TLK1: variants seen among roughly 807,000 people sequenced by gnomAD.
The protein encoded by TLK1 is tousled like kinase 1.
In TLK1, 24 loss-of-function variants were observed where a neutral mutation model predicts 105.3. The ratio of observed to expected loss-of-function variants is 0.23; its 90% CI spans 0.17 to 0.32. The LOEUF is 0.32. Ranked by LOEUF, TLK1 falls within the 10% of genes least tolerant of loss-of-function variation. The pLI is 1.00. For missense variants in TLK1, 558 were observed against 910.5 expected, an observed-to-expected ratio of 0.61 and a Z score of 4.98; for synonymous variants, 321 against 310.4, an observed-to-expected ratio of 1.03 and a Z score of -0.36.
intron 1 of TLK1, among the ~76,000 whole-genome samples, chr2:171,207,619 T>TG (rs1693530492): frequency 6.6e-6 from 1 of 152,074 alleles, no homozygotes; most frequent in South Asian, 2.1e-4. Context: ...TGTTTGGAGA[T>TG]GGGGGGATAT....
At chr2:171,108,749 G>A (rs1690041226) in intron 2 of TLK1, among the ~76,000 whole-genome samples, 1 of 151,908 alleles carries the variant, frequency 6.6e-6, no homozygotes, top group East Asian at 1.9e-4. Flanking sequence ...GACCACAGGT[G>A]GGTACCACCA....
At chr2:171,099,803 C>T (rs368805739) in intron 2 of TLK1, among the ~76,000 whole-genome samples, 5 of 152,108 alleles carry the variant, frequency 3.3e-5, no homozygotes, top group Admixed American at 3.3e-4. Flanking sequence ...AATAGTCCAA[C>T]GCGAAAAAAT....
intron 1 of TLK1, among the ~76,000 whole-genome samples, chr2:171,220,454 C>T (rs1202360956): frequency 2.6e-5 from 4 of 152,160 alleles, no homozygotes; most frequent in African/African-American, 9.7e-5. Context: ...AAGGATGTTA[C>T]GGTTTCTGCC....
intron 2 of TLK1, among the ~76,000 whole-genome samples, chr2:171,083,307 G>GC (rs1275143400): frequency 6.6e-6 from 1 of 151,982 alleles, no homozygotes; most frequent in Non-Finnish European, 1.5e-5. Context: ...AAACTGTCCT[G>GC]TTTTTCTTTT....
chr2:171,215,977 C>T (rs1442847491), intron 1 of TLK1, among the ~76,000 whole-genome samples: 2 of 152,236 alleles, frequency 1.3e-5, no homozygotes, highest in Non-Finnish European at 2.9e-5. Context: ...TTGTGCCAGG[C>T]GTTGTTCTAA....
chr2:171,193,185 A>G (rs1434424922), intron 1 of TLK1, among the ~76,000 whole-genome samples: 2 of 152,168 alleles, frequency 1.3e-5, no homozygotes, highest in Admixed American at 6.5e-5. Flanking sequence ...GAGCTCAACC[A>G]TATGCTGACA....
At chr2:171,119,414 T>C (rs1236814358) in intron 1 of TLK1, among the ~76,000 whole-genome samples, 1 of 152,216 alleles carries the variant, frequency 6.6e-6, no homozygotes, top group Non-Finnish European at 1.5e-5. Context: ...TTCTGTTTTC[T>C]TTTCAGATCT....
At chr2:171,170,590 T>C (rs1424272560) in intron 1 of TLK1, among the ~76,000 whole-genome samples, 1 of 152,210 alleles carries the variant, frequency 6.6e-6, no homozygotes, top group Non-Finnish European at 1.5e-5. Flanking sequence ...TCACACTCTG[T>C]CTTCTCCTCT....
intron 1 of TLK1, among the ~76,000 whole-genome samples, chr2:171,192,231 G>C (rs1311057665): frequency 1.3e-5 from 2 of 152,194 alleles, no homozygotes; most frequent in East Asian, 3.9e-4. Context: ...GTTTTGCCAT[G>C]TTGCCCAAGC....
intron 13 of TLK1, among the ~76,000 whole-genome samples, chr2:171,014,129 A>C (rs79920162): frequency 0.013 from 1,963 of 152,278 alleles, 35 homozygotes; most frequent in African/African-American, 0.042. Flanking sequence ...CTTCACTACT[A>C]TAACATTAAC....
At position 171,217,297 on chromosome 2, in the gene TLK1, T is replaced by G. The variant is rs545617189; in HGVS notation, c.-6+13848A>C. ...AAAATGGGACAAACGAACTTACAAA[T>G]CAAGAGTAGACAGTAGATACCATTC... On this transcript the variant is annotated intron_variant, in intron 1 of 20. Coordinates refer to the TLK1 transcript ENST00000521943. Among the ~76,000 whole-genome samples, 124 of 152,274 alleles carry G rather than the reference T, an allele frequency of 8.1e-4. 2 individuals carry two copies. Among genetic ancestry groups the G allele is most frequent in the Non-Finnish European group, 1.5e-3 (99 of 68,016 alleles).
At chr2:171,140,849 GAC>G (rs1691544253) in intron 1 of TLK1, among the ~76,000 whole-genome samples, 1 of 152,144 alleles carries the variant, frequency 6.6e-6, no homozygotes, top group Non-Finnish European at 1.5e-5. Flanking sequence ...TAAGTTATCA[GAC>G]ACAGACTCTC....
At chr2:171,027,852 T>A (rs1286037971) in intron 12 of TLK1, among the ~76,000 whole-genome samples, 4 of 152,194 alleles carry the variant, frequency 2.6e-5, no homozygotes, top group Admixed American at 2.6e-4. Flanking sequence ...AATGTTGTTT[T>A]AATATACTCA....
intron 3 of TLK1, among the ~76,000 whole-genome samples, chr2:171,068,919 A>T (rs1259941579): frequency 2.0e-5 from 3 of 152,208 alleles, no homozygotes; most frequent in Admixed American, 6.5e-5. Flanking sequence ...TGTTCTACTG[A>T]CATAAAAATA....
Position 171,015,905 on chromosome 2 carries a change from C to G in TLK1, c.1237-957G>C, listed in dbSNP as rs1037575242. 9.2e-5 allele frequency among the ~76,000 whole-genome samples: 14 copies of G among 152,108 alleles called. No homozygotes were observed. In the East Asian group the frequency reaches 1.7e-3, roughly 19 times the overall value. On this transcript the variant is annotated intron_variant, in intron 12 of 20. Transcript: ENST00000431350. ...ACCAGCCTGACCAACATGGAGAAAC[C>G]CCGTCTCTACTAAAAATACAAAATT... is the stretch of plus-strand genomic sequence containing the variant.
Position 171,060,000 on chromosome 2 carries a change from G to T in TLK1, c.406+1081C>A, listed in dbSNP as rs781738153. On this transcript the variant is annotated intron_variant, in intron 4 of 20. Coordinates refer to ENST00000431350, the MANE Select transcript of TLK1 (RefSeq NM_012290.5). ...GGTTGGGGAACCCTGCAGAAGATGA[G>T]AGGAGAGGTCTGCTTTGGACTTGAA... 5 of 1,612,420 alleles carry T rather than the reference G, an allele frequency of 3.1e-6. No individual in the cohort carries two copies. The East Asian group carries it at 1.1e-4, about 36-fold the overall frequency.
chr2:171,091,547 C>T (rs777933982), intron 2 of TLK1: 1 of 152,174 alleles, frequency 6.6e-6, no homozygotes, highest in East Asian at 1.9e-4. Flanking sequence ...GACTGGAAAT[C>T]AACCTGCCCA....
At chr2:171,228,782 G>C (rs866420482) in intron 1 of TLK1, among the ~76,000 whole-genome samples, 1 of 152,130 alleles carries the variant, frequency 6.6e-6, no homozygotes, top group African/African-American at 2.4e-5. Flanking sequence ...GTTTGAATCT[G>C]TGAAGGTAGC....
chr2:171,098,819 C>T (rs942674435), intron 2 of TLK1, among the ~76,000 whole-genome samples: 4 of 152,108 alleles, frequency 2.6e-5, no homozygotes, highest in Admixed American at 2.0e-4. Context: ...GTTCAACATA[C>T]ACCAGCTATA....
Sources: gnomAD v4.1 joint callset for allele counts (sites outside exome capture counted in the v4.1 genomes callset) on GRCh38, gnomAD v4.1.1 for gene constraint, MANE v1.5 for transcripts, NCBI Gene and HGNC (gene_info 2026-07-23, HGNC 2026-07-21) for gene names.